Variants in CCSER1 observed in about 807,000 individuals in gnomAD.
CCSER1 encodes serine-rich coiled-coil domain-containing protein 1.
CCSER1 carries 41 observed loss-of-function variants against 82.0 expected under a neutral mutation model. That is an observed-to-expected ratio of 0.50 (90% CI 0.39 to 0.65). CCSER1 has a LOEUF of 0.65. CCSER1 is among the 30% of genes least tolerant of loss of function. The pLI, the probability that CCSER1 is intolerant of heterozygous loss-of-function variation, is 0.00. For missense variants in CCSER1, 1,119 were observed against 1,064.2 expected, an observed-to-expected ratio of 1.05 and a Z score of -0.72; for synonymous variants, 414 against 383.9, an observed-to-expected ratio of 1.08 and a Z score of -0.92.
intron 10 of CCSER1, among the ~76,000 whole-genome samples, chr4:91,128,931 C>A (rs1727748178): frequency 6.6e-6 from 1 of 151,976 alleles, no homozygotes; most frequent in African/African-American, 2.4e-5. Context: ...GAAGACCTAA[C>A]TGAAAGAAAA....
intron 10 of CCSER1, among the ~76,000 whole-genome samples, chr4:91,266,823 T>G (rs1741631114): frequency 6.6e-6 from 1 of 152,230 alleles, no homozygotes; most frequent in South Asian, 2.1e-4. Flanking sequence ...ATTATATATC[T>G]GGCCTAAGGA....
chr4:90,937,847 T>G (rs1271425724), intron 9 of CCSER1, among the ~76,000 whole-genome samples: 1 of 152,172 alleles, frequency 6.6e-6, no homozygotes, highest in Non-Finnish European at 1.5e-5. Flanking sequence ...CCTCAGCAGT[T>G]ATCAGTTCTA....
chr4:90,279,691 AGAGCC>A (rs1728544380), intron 1 of CCSER1, among the ~76,000 whole-genome samples: 1 of 152,058 alleles, frequency 6.6e-6, no homozygotes, highest in Admixed American at 6.6e-5. Flanking sequence ...TAGTATCCAG[AGAGCC>A]TTACAGTCAT....
At chr4:90,412,844 A>G (rs1755102865) in intron 4 of CCSER1, among the ~76,000 whole-genome samples, 2 of 152,208 alleles carry the variant, frequency 1.3e-5, no homozygotes, top group Admixed American at 1.3e-4. Flanking sequence ...TGAGAACTGG[A>G]ACAAGACAAA....
chr4:90,470,160 T>C (rs546159923), intron 5 of CCSER1, among the ~76,000 whole-genome samples: 2 of 152,300 alleles, frequency 1.3e-5, no homozygotes, highest in African/African-American at 4.8e-5. Context: ...AATCTTGGTA[T>C]GTTTTCTTCC....
At chr4:90,369,795 T>G (rs1747057867) in intron 3 of CCSER1, among the ~76,000 whole-genome samples, 1 of 152,040 alleles carries the variant, frequency 6.6e-6, no homozygotes, top group Non-Finnish European at 1.5e-5. Flanking sequence ...CTAAGAAATA[T>G]TTTGCTGCTG....
chr4:90,544,002 C>A (rs1344291646), intron 5 of CCSER1, among the ~76,000 whole-genome samples: 4 of 152,006 alleles, frequency 2.6e-5, no homozygotes, highest in Non-Finnish European at 5.9e-5. Context: ...GTGTCAGAGA[C>A]AAGAGTTTCT....
chr4:91,473,547 G>A (rs1757402447), intron 10 of CCSER1, among the ~76,000 whole-genome samples: 1 of 152,052 alleles, frequency 6.6e-6, no homozygotes, highest in Admixed American at 6.6e-5. Context: ...AACAGACTTA[G>A]ATTAAAATCA....
chr4:91,591,480 T>C (rs1432769725), intron 10 of CCSER1, among the ~76,000 whole-genome samples: 2 of 152,106 alleles, frequency 1.3e-5, no homozygotes, highest in Non-Finnish European at 2.9e-5. Flanking sequence ...ACATTCATCA[T>C]TTATTTTCTG....
At chr4:90,208,900 C>T (rs1739432933) in intron 1 of CCSER1, among the ~76,000 whole-genome samples, 1 of 152,186 alleles carries the variant, frequency 6.6e-6, no homozygotes. Context: ...AATCACCTGC[C>T]TTCTGCCTTT....
intron 7 of CCSER1, among the ~76,000 whole-genome samples, chr4:90,744,996 A>G (rs1182173695): frequency 6.6e-6 from 1 of 151,852 alleles, no homozygotes; most frequent in Non-Finnish European, 1.5e-5. Context: ...TTAAAAAGTT[A>G]TAGTTTATTA....
intron 9 of CCSER1, among the ~76,000 whole-genome samples, chr4:90,981,525 G>C (rs1328301392): frequency 6.6e-6 from 1 of 151,818 alleles, no homozygotes. Flanking sequence ...TGAAAATGAA[G>C]TAGCTATTTA....
chr4:91,563,513 T>G (rs1315009097), intron 10 of CCSER1, among the ~76,000 whole-genome samples: 1 of 130,868 alleles, frequency 7.6e-6, no homozygotes, highest in Non-Finnish European at 1.7e-5. Flanking sequence ...TTAGATATAG[T>G]GTTCCATATC....
chr4:90,814,849 G>A (rs980042390), intron 7 of CCSER1, among the ~76,000 whole-genome samples: 2 of 152,122 alleles, frequency 1.3e-5, no homozygotes, highest in Non-Finnish European at 2.9e-5. Flanking sequence ...AACCATTTTA[G>A]TTTCTAGGAA....
intron 9 of CCSER1, among the ~76,000 whole-genome samples, chr4:91,081,533 A>G (rs1722742719): frequency 6.6e-6 from 1 of 152,278 alleles, no homozygotes; most frequent in African/African-American, 2.4e-5. Context: ...CACCACTCCT[A>G]TTCAACATAG....
At chr4:91,417,308 A>C (rs1025572784) in intron 10 of CCSER1, among the ~76,000 whole-genome samples, 10 of 152,194 alleles carry the variant, frequency 6.6e-5, no homozygotes, top group Non-Finnish European at 1.5e-4. Context: ...CTAGAAGCAG[A>C]GATATCATTT....
chr4:91,500,766 T>A (rs1228049482), intron 10 of CCSER1, among the ~76,000 whole-genome samples: 1 of 152,024 alleles, frequency 6.6e-6, no homozygotes, highest in African/African-American at 2.4e-5. Flanking sequence ...TCAGTTATTT[T>A]TTATTATTAT....
chr4:91,360,599 T>C (rs183921063), intron 10 of CCSER1, among the ~76,000 whole-genome samples: 1 of 151,904 alleles, frequency 6.6e-6, no homozygotes, highest in East Asian at 1.9e-4. Flanking sequence ...ATAGGATGCC[T>C]TCCATCCTTT....
intron 7 of CCSER1, chr4:90,781,983 TGAA>T (rs1753836788): frequency 2.3e-6 from 2 of 881,644 alleles, no homozygotes; most frequent in East Asian, 1.2e-4. Flanking sequence ...AAAAATAAAA[TGAA>T]GAACATTTCT....
Sources: gnomAD v4.1 joint callset for allele counts (sites outside exome capture counted in the v4.1 genomes callset) on GRCh38, gnomAD v4.1.1 for gene constraint, MANE v1.5 for transcripts, NCBI Gene and HGNC (gene_info 2026-07-23, HGNC 2026-07-21) for gene names.